GABRA3: variants seen among roughly 807,000 people sequenced by gnomAD.
The protein encoded by GABRA3 is gamma-aminobutyric acid type A receptor subunit alpha3, also known as gamma-aminobutyric acid receptor subunit alpha-3.
In GABRA3, 10 loss-of-function variants were observed where a neutral mutation model predicts 30.1. The ratio of observed to expected loss-of-function variants is 0.33; its 90% CI spans 0.20 to 0.56. The LOEUF is 0.56. Ranked by LOEUF, GABRA3 falls within the 20% of genes least tolerant of loss-of-function variation. The pLI is 0.89. For synonymous variants in GABRA3, 151 were observed against 146.8 expected, an observed-to-expected ratio of 1.03 and a Z score of -0.21; for missense variants, 233 against 392.0, an observed-to-expected ratio of 0.59 and a Z score of 3.42.
At chrX:152,328,918 T>A (rs1042771859) in intron 3 of GABRA3, among the ~76,000 whole-genome samples, 1 of 111,921 alleles carries the variant, frequency 8.9e-6, no homozygotes, top group African/African-American at 3.3e-5. Context: ...TTGTCCCCAT[T>A]TGCAGATGAC....
chrX:152,312,785 C>A (rs1939818118), intron 3 of GABRA3, among the ~76,000 whole-genome samples: 1 of 111,468 alleles, frequency 9.0e-6, no homozygotes, highest in South Asian at 3.8e-4. Flanking sequence ...AATCAACAAG[C>A]AAGAATCAAA....
chrX:152,291,174 G>A (rs1391165817), intron 3 of GABRA3, among the ~76,000 whole-genome samples: 2 of 111,430 alleles, frequency 1.8e-5, no homozygotes, highest in African/African-American at 6.5e-5. Flanking sequence ...ATTTGTTTGT[G>A]TCCTCTTTTA....
chrX:152,377,877 T>C (rs111470456), intron 1 of GABRA3, among the ~76,000 whole-genome samples: 2,514 of 111,643 alleles, frequency 0.023, 34 homozygotes, highest in South Asian at 0.066. Flanking sequence ...GTGTATCTTC[T>C]TCAAACCCCA....
At position 152,284,702 on chromosome X, in the gene GABRA3, A is replaced by C; in HGVS notation, c.296T>G (p.Val99Gly). ...GTCTGACACAGGGCCAAAACTGGTC[A>C]CGTAGATGTCAGTCTTCACTTCAGT... ...AVTEVKTDIY[V>G]TSFGPVSDTD... Residue 99 changes from valine (V) to glycine (G), a missense_variant, in exon 4 of 10, where the codon GTG becomes GGG. Physicochemically the swap from Val to Gly is moderately radical, Grantham distance 109 (BLOSUM62 -3). This residue lies in a region of GABRA3 where 69 missense variants were observed against 79.4 expected (regional missense o/e 0.87). Coordinates refer to ENST00000370314, the MANE Select transcript of GABRA3 (RefSeq NM_000808.4). The C allele has an allele frequency of 8.4e-7, 1 of 1,194,485 alleles. No individual in the cohort carries two copies. The highest frequency in any genetic ancestry group is 1.7e-5 in the African/African-American group (1 of 57,329).
intron 2 of GABRA3, among the ~76,000 whole-genome samples, chrX:152,361,331 C>G (rs905903508): frequency 9.1e-6 from 1 of 109,343 alleles, no homozygotes; most frequent in Admixed American, 9.8e-5. Flanking sequence ...GTGGCTCATA[C>G]TGGGAGGCTG....
At chrX:152,172,771 G>C (rs1028593070) in intron 9 of GABRA3, among the ~76,000 whole-genome samples, 5 of 111,734 alleles carry the variant, frequency 4.5e-5, no homozygotes, top group African/African-American at 1.6e-4. Context: ...ACAGAAAGTA[G>C]AATGGTGGGT....
intron 9 of GABRA3, among the ~76,000 whole-genome samples, chrX:152,189,378 T>C (rs1355988924): frequency 1.8e-5 from 2 of 111,822 alleles, no homozygotes; most frequent in African/African-American, 6.5e-5. Flanking sequence ...TTGAATATAC[T>C]GGGAAGAGGG....
chrX:152,357,545 C>T (rs1940569485), intron 2 of GABRA3, among the ~76,000 whole-genome samples: 1 of 111,156 alleles, frequency 9.0e-6, no homozygotes, highest in Admixed American at 9.6e-5. Flanking sequence ...GGATGCACAC[C>T]TTACAAATAT....
chrX:152,252,602 C>G (rs1386056392), intron 5 of GABRA3, among the ~76,000 whole-genome samples: 7 of 111,407 alleles, frequency 6.3e-5, no homozygotes, highest in Non-Finnish European at 1.3e-4. Context: ...ATTAATAATA[C>G]TTATACTATT....
intron 4 of GABRA3, among the ~76,000 whole-genome samples, chrX:152,274,655 G>C (rs1029066178): frequency 9.0e-6 from 1 of 110,661 alleles, no homozygotes; most frequent in African/African-American, 3.3e-5. Context: ...GGCTCTTAAA[G>C]TGGTGCTTGG....
chrX:152,383,977 A>C (rs1475935774), intron 1 of GABRA3, among the ~76,000 whole-genome samples: 3 of 108,086 alleles, frequency 2.8e-5, no homozygotes, highest in Admixed American at 2.0e-4. Context: ...CCACCACAAA[A>C]AAAAAAAAAA....
chrX:152,430,417 G>A (rs1297807399), intron 1 of GABRA3, among the ~76,000 whole-genome samples: 1 of 111,362 alleles, frequency 9.0e-6, no homozygotes, highest in Non-Finnish European at 1.9e-5. Flanking sequence ...AGACGATGAG[G>A]CAGGGAACTC....
rs1405438945 is a variant in GABRA3, at chrX:152,388,689, A to G, written c.-26-24093T>C. Among the ~76,000 whole-genome samples, 4 of 112,483 alleles carry G rather than the reference A, an allele frequency of 3.6e-5. 1 individual carries two copies. The highest frequency in any genetic ancestry group is 1.9e-4 in the Admixed American group (2 of 10,565). On this transcript the variant is annotated intron_variant, in intron 1 of 9. Transcript: ENST00000370314. ...CATAATAGTGCTGGAGCACACAACT[A>G]TAGGATGGTTATTATTCAGGCAGAT...
chrX:152,416,344 T>C (rs1209285502), intron 1 of GABRA3, among the ~76,000 whole-genome samples: 29 of 93,913 alleles, frequency 3.1e-4, no homozygotes, highest in Admixed American at 2.1e-3. Flanking sequence ...CAAGGAGAAC[T>C]ACAAACCACT....
At chrX:152,172,828 A>T (rs1937019699) in intron 9 of GABRA3, among the ~76,000 whole-genome samples, 1 of 111,349 alleles carries the variant, frequency 9.0e-6, no homozygotes, top group Non-Finnish European at 1.9e-5. Context: ...TTTAATGAAT[A>T]CAGAGGTCCA....
intron 3 of GABRA3, among the ~76,000 whole-genome samples, chrX:152,339,375 C>T (rs904808319): frequency 1.8e-5 from 2 of 109,469 alleles, no homozygotes; most frequent in African/African-American, 6.7e-5. Context: ...CACGCCACCA[C>T]GCCTGGATAA....
At chrX:152,223,042 G>C (rs1382087715) in intron 6 of GABRA3, among the ~76,000 whole-genome samples, 1 of 111,530 alleles carries the variant, frequency 9.0e-6, no homozygotes, top group Non-Finnish European at 1.9e-5. Flanking sequence ...CCCTAGCCCT[G>C]TGTGATCATC....
intron 6 of GABRA3, among the ~76,000 whole-genome samples, chrX:152,217,470 G>GAA (rs1163645794): frequency 6.8e-4 from 76 of 111,380 alleles, no homozygotes; most frequent in African/African-American, 2.4e-3. Flanking sequence ...TGGCCTCATA[G>GAA]AATGAATTAA....
At chrX:152,281,686 A>ATT (rs1939201977) in intron 4 of GABRA3, among the ~76,000 whole-genome samples, 1 of 111,908 alleles carries the variant, frequency 8.9e-6, no homozygotes, top group African/African-American at 3.2e-5. Context: ...ATCATCAATC[A>ATT]TTGAGTCACC....
Sources: allele counts gnomAD v4.1 joint callset (sites outside exome capture counted in the v4.1 genomes callset), GRCh38; gene constraint gnomAD v4.1.1; regional missense constraint gnomAD v4.1.1; transcripts MANE v1.5; gene names NCBI Gene and HGNC (gene_info 2026-07-23, HGNC 2026-07-21).